Variants in MAD1L1 observed in about 807,000 individuals in gnomAD.
MAD1L1 encodes the protein mitotic spindle assembly checkpoint protein MAD1.
Under a neutral mutation model 96.9 loss-of-function variants are expected in MAD1L1, and 95 were observed. The ratio of observed to expected loss-of-function variants is 0.98; its 90% confidence interval spans 0.83 to 1.16. The LOEUF (loss-of-function observed/expected upper bound fraction) is 1.16, where lower values mean the gene tolerates loss of function less well. MAD1L1 is among the 50% of genes most tolerant of loss of function. The probability of loss-of-function intolerance (pLI) is 0.00; values close to 1 mark genes in which losing one functional copy is unlikely to be tolerated. For missense variants in MAD1L1, 1,007 were observed against 954.4 expected, an observed-to-expected ratio of 1.06 and a Z score of -0.73; for synonymous variants, 473 against 396.6, an observed-to-expected ratio of 1.19 and a Z score of -2.29.
chr7:2,143,401 C>T (rs1789139638), intron 11 of MAD1L1, among the ~76,000 whole-genome samples: 1 of 151,032 alleles, frequency 6.6e-6, no homozygotes, highest in Admixed American at 6.6e-5. Flanking sequence ...GGCCTTGTTA[C>T]GTCCTTGAGA....
chr7:1,892,406 T>A (rs370417977), intron 18 of MAD1L1, among the ~76,000 whole-genome samples: 1 of 152,190 alleles, frequency 6.6e-6, no homozygotes, highest in African/African-American at 2.4e-5. Flanking sequence ...GTGCTGAGTA[T>A]CCCTTATTGG....
chr7:1,856,028 G>C (rs536692084), intron 18 of MAD1L1, among the ~76,000 whole-genome samples: 1 of 152,188 alleles, frequency 6.6e-6, no homozygotes, highest in Non-Finnish European at 1.5e-5. Context: ...CGTGGGGTGC[G>C]GTGAGGGAGC....
chr7:2,071,680 G>A (rs996814348), intron 11 of MAD1L1, among the ~76,000 whole-genome samples: 3 of 152,304 alleles, frequency 2.0e-5, no homozygotes, highest in South Asian at 2.1e-4. Flanking sequence ...GAGCAGGGGC[G>A]GAGTCAATTA....
chr7:1,910,030 C>G (rs1489363685), intron 17 of MAD1L1, among the ~76,000 whole-genome samples: 2 of 152,176 alleles, frequency 1.3e-5, no homozygotes, highest in Non-Finnish European at 2.9e-5. Flanking sequence ...TCACCTTGCA[C>G]AAAACTGATA....
At chr7:1,842,252 G>A (rs1489594386) in intron 18 of MAD1L1, among the ~76,000 whole-genome samples, 2 of 152,168 alleles carry the variant, frequency 1.3e-5, no homozygotes, top group Non-Finnish European at 2.9e-5. Flanking sequence ...AGGAAGCGGC[G>A]ACAGATTTCA....
At chr7:2,072,157 C>T (rs573626674) in intron 11 of MAD1L1, among the ~76,000 whole-genome samples, 82 of 152,358 alleles carry the variant, frequency 5.4e-4, no homozygotes, top group African/African-American at 1.9e-3. Flanking sequence ...ACTGAGCCCT[C>T]ACCCAGGGTC....
At chr7:2,001,072 T>C (rs1781769672) in intron 14 of MAD1L1, among the ~76,000 whole-genome samples, 1 of 152,206 alleles carries the variant, frequency 6.6e-6, no homozygotes, top group South Asian at 2.1e-4. Flanking sequence ...TGTCAAGCAA[T>C]GAACCCTCAG....
chr7:2,218,070 C>T (rs1458813846), intron 6 of MAD1L1, 27 bp from the exon 7 acceptor site: 25 of 1,562,528 alleles, frequency 1.6e-5, no homozygotes, highest in African/African-American at 2.7e-5. Context: ...ACATCACACA[C>T]AGAAACAGGC....
chr7:1,841,963 C>T (rs1276690815), intron 18 of MAD1L1, among the ~76,000 whole-genome samples: 1 of 152,254 alleles, frequency 6.6e-6, no homozygotes, highest in Non-Finnish European at 1.5e-5. Flanking sequence ...TCAGCCAGAC[C>T]CTGCCTGCTC....
intron 17 of MAD1L1, among the ~76,000 whole-genome samples, chr7:1,910,353 G>A (rs1457419148): frequency 1.3e-5 from 2 of 152,228 alleles, no homozygotes; most frequent in African/African-American, 4.8e-5. Context: ...CCTGCAGGAG[G>A]CCAGAATCCA....
chr7:2,183,059 CAA>C (rs1484376422), intron 10 of MAD1L1, among the ~76,000 whole-genome samples: 2 of 151,844 alleles, frequency 1.3e-5, no homozygotes, highest in Non-Finnish European at 2.9e-5. Context: ...CCTATCTCTA[CAA>C]AAGAGAAAAA....
Position 2,152,665 on chromosome 7 carries a change from C to T in MAD1L1, c.987-3427G>A, listed in dbSNP as rs1423381392. Among the ~76,000 whole-genome samples the T allele has an allele frequency of 2.0e-5, 3 of 152,180 alleles. No homozygotes were observed. In the South Asian group the frequency reaches 6.2e-4, roughly 32 times the overall value. ...CCTGGGTCTCAGCCCCAGCCCTGAC[C>T]CCTCCAGGCTCAACTCCCTACCTGC... On this transcript the variant is annotated intron_variant, in intron 10 of 18. Coordinates refer to ENST00000265854, the MANE Select transcript of MAD1L1 (RefSeq NM_001013836.2).
intron 18 of MAD1L1, among the ~76,000 whole-genome samples, chr7:1,855,028 T>A (rs1448189851): frequency 6.6e-6 from 1 of 152,188 alleles, no homozygotes; most frequent in African/African-American, 2.4e-5. Flanking sequence ...GCACGTGGGC[T>A]GCGGTCCCCT....
At chr7:1,976,272 G>A (rs1441015195) in intron 15 of MAD1L1, among the ~76,000 whole-genome samples, 1 of 152,256 alleles carries the variant, frequency 6.6e-6, no homozygotes, top group Non-Finnish European at 1.5e-5. Flanking sequence ...CCCTCATGGT[G>A]AGTGTTACAG....
intron 18 of MAD1L1, 167 bp downstream of exon 18, chr7:1,898,033 C>T: frequency 1.4e-6 from 1 of 722,304 alleles, no homozygotes; most frequent in Non-Finnish European, 2.3e-6. Context: ...GGCTGAGAAG[C>T]CTCAGGGGGT....
intron 13 of MAD1L1, among the ~76,000 whole-genome samples, chr7:2,006,007 G>A (rs931728403): frequency 1.3e-5 from 2 of 152,074 alleles, no homozygotes; most frequent in Non-Finnish European, 1.5e-5. Flanking sequence ...TGGAGAGCAC[G>A]CTCCATGGGC....
At chr7:2,096,020 C>T (rs1270920020) in intron 11 of MAD1L1, among the ~76,000 whole-genome samples, 3 of 152,190 alleles carry the variant, frequency 2.0e-5, no homozygotes, top group African/African-American at 7.2e-5. Flanking sequence ...GAATCGGGCT[C>T]CCCCAGGCCT....
chr7:2,097,805 C>G (rs1051947929), intron 11 of MAD1L1, among the ~76,000 whole-genome samples: 1 of 152,218 alleles, frequency 6.6e-6, no homozygotes, highest in African/African-American at 2.4e-5. Context: ...GCAGAGGCGT[C>G]TGGGACCCCT....
chr7:1,891,486 A>G (rs1016026711), intron 18 of MAD1L1, among the ~76,000 whole-genome samples: 2 of 152,178 alleles, frequency 1.3e-5, no homozygotes, highest in African/African-American at 2.4e-5. Context: ...AAATCGCGCC[A>G]CTGCACTCCA....
Sources: gnomAD v4.1 joint callset for allele counts (sites outside exome capture counted in the v4.1 genomes callset) on GRCh38, gnomAD v4.1.1 for gene constraint, MANE v1.5 for transcripts, NCBI Gene and HGNC (gene_info 2026-07-23, HGNC 2026-07-21) for gene names.